The following DYM variants were observed in gnomAD, a reference collection of about 807,000 sequenced individuals.
DYM encodes the protein dymeclin.
Under a neutral mutation model 93.1 loss-of-function variants are expected in DYM, and 78 were observed. The ratio of observed to expected loss-of-function variants is 0.84; its 90% CI spans 0.70 to 1.01. The LOEUF is 1.01. DYM is among the 50% of genes least tolerant of loss of function. DYM has a pLI of 0.00. For missense variants in DYM, 789 were observed against 845.0 expected (o/e 0.93, Z 0.82); for synonymous variants, 321 against 319.7 (o/e 1.00, Z -0.04).
At position 49,097,874 on chromosome 18, in the gene DYM, G is replaced by GCTCTCTCTCT. The variant is rs61301668; in HGVS notation, c.1912-369_1912-360dup. On this transcript the variant is annotated intron_variant, in intron 16 of 17. Transcript: ENST00000675505. ...CTATCACTTTTGAAGCTTAATATTA[G>GCTCTCTCTCT]CTCTCTCTCTCTCTCTCTCTCTCTC... Among the ~76,000 whole-genome samples, 1,267 of 141,248 alleles carry GCTCTCTCTCT rather than the reference G, an allele frequency of 9.0e-3. 13 individuals are homozygous for GCTCTCTCTCT. The highest frequency in any genetic ancestry group is 0.012 in the Non-Finnish European group (800 of 64,836). The allele number at this position is 141,248 out of a possible 152,430, so 92.7% of individuals were successfully genotyped here. A position where few individuals can be genotyped will look rare whatever the true frequency, so the allele number is the denominator to read the frequency against.
At chr18:49,311,443 C>T (rs998956111) in intron 8 of DYM, among the ~76,000 whole-genome samples, 1 of 152,150 alleles carries the variant, frequency 6.6e-6, no homozygotes, top group African/African-American at 2.4e-5. Context: ...TTTATTGCAG[C>T]ATTATTCACA....
intron 11 of DYM, among the ~76,000 whole-genome samples, chr18:49,263,455 G>A (rs2094521271): frequency 6.6e-6 from 1 of 151,250 alleles, no homozygotes; most frequent in East Asian, 2.0e-4. Context: ...TATAGGCTGG[G>A]CGTGGTGGCT....
Position 49,192,095 on chromosome 18 carries a change from A to ATTTT in DYM, c.1625+17452_1625+17455dup, listed in dbSNP as rs55967928. Among the ~76,000 whole-genome samples the ATTTT allele has an allele frequency of 1.9e-3, 130 of 68,324 alleles. 2 individuals carry two copies. The highest frequency in any genetic ancestry group is 6.7e-3 in the African/African-American group (117 of 17,476). 44.8% of individuals were successfully genotyped at this position (68,324 alleles called of 152,430 possible). Reference sequence around the variant, plus strand: ...ACATATGTGCCACCATGCCTGGCTAATTTTTTTTTTTTTTTTTTTTTTTTT... The same window carrying ATTTT: ...ACATATGTGCCACCATGCCTGGCTAATTTTTTTTTTTTTTTTTTTTTTTTTTTTT... On this transcript the variant is annotated intron_variant, in intron 14 of 17. Transcript: ENST00000675505.
intron 17 of DYM, among the ~76,000 whole-genome samples, chr18:49,066,504 A>C (rs1333727352): frequency 1.3e-5 from 2 of 152,242 alleles, no homozygotes; most frequent in Non-Finnish European, 2.9e-5. Flanking sequence ...CTTATTAATT[A>C]ATTCTACCAC....
chr18:49,193,092 T>C (rs1007966303), intron 14 of DYM, among the ~76,000 whole-genome samples: 5 of 152,196 alleles, frequency 3.3e-5, no homozygotes, highest in Non-Finnish European at 7.3e-5. Flanking sequence ...GTGATGGATA[T>C]GCTAACTAGC....
intron 13 of DYM, among the ~76,000 whole-genome samples, chr18:49,233,633 T>A (rs1406661803): frequency 6.6e-6 from 1 of 152,188 alleles, no homozygotes; most frequent in African/African-American, 2.4e-5. Context: ...ATGCACTTGG[T>A]GGGGCAGAGG....
At chr18:49,195,547 C>A (rs1240088340) in intron 14 of DYM, among the ~76,000 whole-genome samples, 4 of 152,170 alleles carry the variant, frequency 2.6e-5, no homozygotes, top group African/African-American at 7.2e-5. Context: ...CTCTCCCTAT[C>A]CTCCCCTCCT....
chr18:49,209,860 T>A, intron 13 of DYM, 145 bp from the exon 14 acceptor site: 1 of 442,344 alleles, frequency 2.3e-6, no homozygotes, highest in Non-Finnish European at 3.3e-6. Context: ...AATAAAAAGT[T>A]AAAAAAGAAA....
chr18:49,097,387 C>T lies in DYM; in HGVS notation c.2025+15G>A. 1 of 1,612,732 alleles carries T rather than the reference C, an allele frequency of 6.2e-7. No individual in the cohort carries two copies. The highest frequency in any genetic ancestry group is 8.5e-7 in the Non-Finnish European group (1 of 1,178,904). ...ACACGGCAGTGTCAAGTGGACATTT[C>T]TTTAGCCTTCTTACCTTCAGTCTGT... On this transcript the variant is annotated intron_variant, in intron 17 of 17. Coordinates refer to ENST00000675505, the MANE Select transcript of DYM (RefSeq NM_001353214.3).
chr18:49,319,546 G>C (rs1001722937), intron 8 of DYM, among the ~76,000 whole-genome samples: 2 of 152,170 alleles, frequency 1.3e-5, no homozygotes, highest in Admixed American at 1.3e-4. Flanking sequence ...AGATGAAGTA[G>C]GTGAATGGTA....
At chr18:49,446,465 A>C (rs2082100148) in intron 1 of DYM, among the ~76,000 whole-genome samples, 1 of 152,258 alleles carries the variant, frequency 6.6e-6, no homozygotes, top group Admixed American at 6.5e-5. Context: ...ACTATTTCAT[A>C]ATCAATGATT....
At chr18:49,067,189 G>T (rs9967278) in intron 17 of DYM, among the ~76,000 whole-genome samples, 14,817 of 146,184 alleles carry the variant, frequency 0.1, 316 homozygotes, top group African/African-American at 0.17. Flanking sequence ...GTTCAGTAGA[G>T]GAAGGAGTGG....
At chr18:49,103,605 G>T (rs1361892757) in intron 16 of DYM, among the ~76,000 whole-genome samples, 24 of 152,116 alleles carry the variant, frequency 1.6e-4, no homozygotes, top group Admixed American at 1.6e-3. Context: ...TGTAAGGAAG[G>T]GATCCAGTTT....
chr18:49,292,621 A>T (rs561064863), intron 8 of DYM, among the ~76,000 whole-genome samples: 2 of 114,528 alleles, frequency 1.7e-5, no homozygotes, highest in Non-Finnish European at 2.0e-5. Flanking sequence ...AAAAAAAAAA[A>T]AAAACCCCCA....
At chr18:49,175,477 T>C (rs562903648) in intron 14 of DYM, among the ~76,000 whole-genome samples, 4 of 152,296 alleles carry the variant, frequency 2.6e-5, no homozygotes. Context: ...CAGGGTAAAC[T>C]GCCCGTTCAT....
At chr18:49,291,138 T>C (rs897180763) in intron 8 of DYM, among the ~76,000 whole-genome samples, 1 of 152,200 alleles carries the variant, frequency 6.6e-6, no homozygotes, top group Admixed American at 6.5e-5. Context: ...TATTACTTAT[T>C]ATAATGGGCA....
At chr18:49,208,503 C>T (rs1333204285) in intron 14 of DYM, 5 of 152,196 alleles carry the variant, frequency 3.3e-5, no homozygotes, top group African/African-American at 7.2e-5. Context: ...CGATGTGAGG[C>T]TGATCAACAT....
chr18:49,085,800 GT>G, intron 17 of DYM, among the ~76,000 whole-genome samples: 1 of 152,094 alleles, frequency 6.6e-6, no homozygotes. Context: ...TAGAGACGGG[GT>G]TTCACCATCT....
intron 8 of DYM, among the ~76,000 whole-genome samples, chr18:49,293,347 TG>T (rs1282992746): frequency 6.6e-6 from 1 of 152,224 alleles, no homozygotes; most frequent in Non-Finnish European, 1.5e-5. Context: ...TACCCAGTAA[TG>T]GGATTGCTGC....
Sources: allele counts gnomAD v4.1 joint callset (sites outside exome capture counted in the v4.1 genomes callset), GRCh38; gene constraint gnomAD v4.1.1; transcripts MANE v1.5; gene names NCBI Gene and HGNC (gene_info 2026-07-23, HGNC 2026-07-21).